The following SPDL1 variants were observed in gnomAD, a reference collection of about 807,000 sequenced individuals.
SPDL1 encodes the protein spindle apparatus coiled-coil protein 1.
In SPDL1, 85 loss-of-function variants were observed where a neutral mutation model predicts 79.5. The observed-to-expected ratio is 1.07, with a 90% CI of 0.90 to 1.28. SPDL1 has a LOEUF of 1.28. Ranked by LOEUF, SPDL1 falls within the 50% of genes most tolerant of loss-of-function variation. The pLI is 0.00. For synonymous variants in SPDL1, 269 were observed against 240.3 expected (o/e 1.12, Z -1.10); for missense variants, 703 against 697.8 (o/e 1.01, Z -0.08).
chr5:169,596,407 CA>C (rs149832319), intron 7 of SPDL1, among the ~76,000 whole-genome samples, 153 bp from the exon 8 acceptor site: 1 of 152,008 alleles, frequency 6.6e-6, no homozygotes, highest in South Asian at 2.1e-4. Flanking sequence ...GTTATGTCTA[CA>C]AAAAAATTTA....
At chr5:169,592,320 C>T (rs1259342963) in intron 3 of SPDL1, among the ~76,000 whole-genome samples, 1 of 139,654 alleles carries the variant, frequency 7.2e-6, no homozygotes, top group African/African-American at 2.7e-5. Flanking sequence ...CGGGTTCAAA[C>T]GATTCTCCTG....
At chr5:169,584,040 G>A (rs572916894) in intron 1 of SPDL1, 151 bp downstream of exon 1, 2 of 152,336 alleles carry the variant, frequency 1.3e-5, no homozygotes, top group East Asian at 1.9e-4. Flanking sequence ...TTATACACTG[G>A]GTTCCGAGCC....
At chr5:169,603,769 G>A (rs762130625) in intron 11 of SPDL1, among the ~76,000 whole-genome samples, 5 of 152,080 alleles carry the variant, frequency 3.3e-5, no homozygotes, top group East Asian at 1.9e-4. Flanking sequence ...CAGGAGAATC[G>A]CTTGAACCCG....
chr5:169,590,993 G>A, intron 2 of SPDL1, 55 bp from the exon 3 acceptor site: 2 of 1,419,282 alleles, frequency 1.4e-6, no homozygotes, highest in Non-Finnish European at 2.0e-6. Flanking sequence ...CTGATTGTAT[G>A]TAATGGCTTT....
At chr5:169,590,657 C>G (rs971950671) in intron 2 of SPDL1, 3 of 453,858 alleles carry the variant, frequency 6.6e-6, no homozygotes, top group Non-Finnish European at 1.3e-5. Flanking sequence ...ATTACTACTA[C>G]ATTGTGTTCA....
chr5:169,596,666 C>G lies in SPDL1; in HGVS notation c.997C>G (p.Leu333Val), dbSNP rs774516530. The change falls in exon 8 of 12, where the codon CTT becomes GTT. Residue 333 changes from leucine (L) to valine (V), a missense_variant. Physicochemically the swap from Leu to Val is conservative, Grantham distance 32 (BLOSUM62 1). Transcript: ENST00000265295. ...LEQKNGEIKHLLGEIRNLEKF... is the reference protein window; with the variant it reads ...LEQKNGEIKHVLGEIRNLEKF... ...GCAGAAGAATGGTGAAATAAAACAT[C>G]TTTTAGGTGAAATTAGAAATCTGGA... 6.3e-7 allele frequency: 1 copy of G among 1,599,416 alleles called. No individual in the cohort carries two copies. Among genetic ancestry groups the G allele is most frequent in the Non-Finnish European group, 8.5e-7 (1 of 1,176,054 alleles).
At chr5:169,589,398 C>T (rs150067585) in intron 2 of SPDL1, among the ~76,000 whole-genome samples, 43 of 152,314 alleles carry the variant, frequency 2.8e-4, no homozygotes, top group African/African-American at 9.9e-4. Context: ...AACCATACAA[C>T]AGCTTCTGAT....
At chr5:169,589,854 C>G (rs1354113061) in intron 2 of SPDL1, among the ~76,000 whole-genome samples, 1 of 152,028 alleles carries the variant, frequency 6.6e-6, no homozygotes, top group East Asian at 1.9e-4. Flanking sequence ...AGATGTGTGC[C>G]ACCACATCCG....
intron 3 of SPDL1, among the ~76,000 whole-genome samples, chr5:169,592,020 C>T (rs879646336): frequency 6.6e-6 from 1 of 152,168 alleles, no homozygotes; most frequent in Non-Finnish European, 1.5e-5. Flanking sequence ...CTTTTCCAGA[C>T]ACTGTCTACC....
In SPDL1 at chr5:169,601,260, C is replaced by G; in HGVS notation, c.1325-20C>G. The G allele has an allele frequency of 6.4e-7, 1 of 1,568,420 alleles. No individual in the cohort carries two copies. Among genetic ancestry groups the G allele is most frequent in the South Asian group, 1.2e-5 (1 of 84,398 alleles). On this transcript the variant is annotated intron_variant, in intron 10 of 11. Transcript: ENST00000265295. The stretch of plus-strand genomic sequence containing the variant: ...TGTTTTCTTAGATTTTTTCTTTTCC[C>G]CACTCGTTTTTATTCTCAGAGACAG...
chr5:169,601,571 C>A lies in SPDL1; in HGVS notation c.1616C>A (p.Pro539His). The change falls in exon 11 of 12, where the codon CCC becomes CAC. Residue 539 changes from proline (P) to histidine (H), a missense_variant. Transcript: ENST00000265295. ...EKKCVKLIGV[P>H]ADAEALSERS... ...AAATGTGTGAAACTCATAGGAGTTC[C>A]CGCTGACGCTGAGGCCTTAAGTGAA... 1 of 1,614,158 alleles carries A rather than the reference C, an allele frequency of 6.2e-7. No homozygotes were observed. The highest frequency in any genetic ancestry group is 8.5e-7 in the Non-Finnish European group (1 of 1,180,036).
chr5:169,593,074 C>G (rs773660786), intron 3 of SPDL1, among the ~76,000 whole-genome samples: 1 of 152,078 alleles, frequency 6.6e-6, no homozygotes, highest in African/African-American at 2.4e-5. Context: ...CATTGTTTCT[C>G]TTCATGCCAG....
At chr5:169,598,379 G>A in intron 8 of SPDL1, 97 bp from the exon 9 acceptor site, 1 of 760,102 alleles carries the variant, frequency 1.3e-6, no homozygotes, top group Admixed American at 2.2e-5. Context: ...TACGCCAAGG[G>A]ATATAAATTC....
At chr5:169,598,405 T>TA in intron 8 of SPDL1, 71 bp from the exon 9 acceptor site, 1 of 934,180 alleles carries the variant, frequency 1.1e-6, no homozygotes, top group African/African-American at 1.7e-5. Flanking sequence ...GTGATGGTGC[T>TA]ATTATTAATA....
intron 1 of SPDL1, chr5:169,586,492 A>G (rs2113314899): frequency 6.6e-6 from 1 of 152,316 alleles, no homozygotes. Flanking sequence ...TCAAATTTGC[A>G]TATCCAGCCA....
rs773380637 is a variant in SPDL1 at position 169,593,420 on chromosome 5, G to C, written c.403G>C (p.Asp135His). 3 of 1,613,878 alleles carry C rather than the reference G, an allele frequency of 1.9e-6. No homozygotes were observed. The East Asian group carries it at 6.7e-5, about 36-fold the overall frequency. Residue 135 changes from aspartate (D) to histidine (H), a missense_variant, in exon 4 of 12, where the codon GAT (aspartate) becomes CAT (histidine). By Grantham distance (81) the Asp-to-His change is moderately conservative. Coordinates refer to ENST00000265295, the MANE Select transcript of SPDL1 (RefSeq NM_017785.5). The stretch of plus-strand genomic sequence containing the variant: ...TGAAAAGCAGCTGAAGCACCAAGTA[G>C]ATCATCAGAAGGAACTCCTCTCTTG... ...LSEKQLKHQV[D>H]HQKELLSCKS...
Position 169,588,558 on chromosome 5 carries a change from A to C in SPDL1, c.142A>C (p.Met48Leu), listed in dbSNP as rs892398072. The C allele has an allele frequency of 1.9e-6, 3 of 1,612,638 alleles. No homozygotes were observed. Among genetic ancestry groups the C allele is most frequent in the African/African-American group, 1.3e-5 (1 of 74,990 alleles). The change falls in exon 2 of 12, where the codon ATG becomes CTG. Residue 48 changes from methionine (M) to leucine (L), a missense_variant. Coordinates refer to ENST00000265295, the MANE Select transcript of SPDL1 (RefSeq NM_017785.5). ...TCAATTGGATAAATGTCGTAATGAA[A>C]TGATGACCATGACTGAGGTAGGACT... is the stretch of plus-strand genomic sequence containing the variant. ...QNQLDKCRNE[M>L]MTMTESYEQE... is the part of the protein sequence containing the mutation.
At chr5:169,600,200 G>C (rs565037146) in intron 10 of SPDL1, among the ~76,000 whole-genome samples, 2 of 152,142 alleles carry the variant, frequency 1.3e-5, no homozygotes, top group African/African-American at 4.8e-5. Flanking sequence ...GTCTCTCTTC[G>C]TATTGTCTCA....
intron 7 of SPDL1, 46 bp downstream of exon 7, chr5:169,594,727 C>G (rs769870276): frequency 5.3e-6 from 7 of 1,324,944 alleles, no homozygotes; most frequent in Non-Finnish European, 7.6e-6. Flanking sequence ...AATTTTGTGT[C>G]AGCATTACAT....
Sources: gnomAD v4.1 joint callset for allele counts (sites outside exome capture counted in the v4.1 genomes callset) on GRCh38, gnomAD v4.1.1 for gene constraint, MANE v1.5 for transcripts, NCBI Gene and HGNC (gene_info 2026-07-23, HGNC 2026-07-21) for gene names.